Variants in GALNTL6 observed in about 807,000 individuals in gnomAD.
The protein encoded by GALNTL6 is polypeptide N-acetylgalactosaminyltransferase like 6.
Under a neutral mutation model 73.7 loss-of-function variants are expected in GALNTL6, and 46 were observed. That is an observed-to-expected ratio of 0.62 (90% CI 0.49 to 0.80). The LOEUF is 0.80. GALNTL6 is among the 30% of genes least tolerant of loss of function. GALNTL6 has a pLI of 0.00. For synonymous variants in GALNTL6, 259 were observed against 263.7 expected (o/e 0.98, Z 0.17); for missense variants, 604 against 755.0 (o/e 0.80, Z 2.34).
chr4:171,874,376 G>A (rs982537752), intron 2 of GALNTL6, among the ~76,000 whole-genome samples: 3 of 152,102 alleles, frequency 2.0e-5, no homozygotes, highest in Admixed American at 2.0e-4. Context: ...TTTTAGTCGA[G>A]ACAGGGTTTC....
intron 2 of GALNTL6, among the ~76,000 whole-genome samples, chr4:172,098,326 G>T (rs1439057436): frequency 6.6e-6 from 1 of 151,940 alleles, no homozygotes; most frequent in Admixed American, 6.6e-5. Context: ...AGGGTTCATT[G>T]GGTGGGACAG....
chr4:172,087,338 G>A (rs1184403993), intron 2 of GALNTL6, among the ~76,000 whole-genome samples: 1 of 151,592 alleles, frequency 6.6e-6, no homozygotes, highest in Non-Finnish European at 1.5e-5. Flanking sequence ...CCAGCTACTC[G>A]GGAGGCTGAG....
chr4:172,077,687 G>A (rs940377290), intron 2 of GALNTL6, among the ~76,000 whole-genome samples: 5 of 152,122 alleles, frequency 3.3e-5, no homozygotes, highest in African/African-American at 1.2e-4. Flanking sequence ...ATTGAACCTA[G>A]CCATATGGTA....
At chr4:172,735,736 G>A (rs1398634813) in intron 5 of GALNTL6, among the ~76,000 whole-genome samples, 1 of 152,106 alleles carries the variant, frequency 6.6e-6, no homozygotes, top group African/African-American at 2.4e-5. Flanking sequence ...CCAGTGGAAG[G>A]TAATTGAATC....
intron 2 of GALNTL6, among the ~76,000 whole-genome samples, chr4:171,994,449 G>A (rs1385742774): frequency 1.3e-5 from 2 of 152,026 alleles, no homozygotes; most frequent in African/African-American, 2.4e-5. Flanking sequence ...AATGAACATG[G>A]GTACTCTACA....
rs149209271 is a variant in GALNTL6, at chr4:172,088,817, G to A, written c.139-140839G>A. ...AGAGACAGGTGATTCAGAGATAACA[G>A]CAGGGTAGGGGAGAGGCCAGAGAGA... On this transcript the variant is annotated intron_variant, in intron 2 of 12. Coordinates refer to ENST00000506823, the MANE Select transcript of GALNTL6 (RefSeq NM_001034845.3). Among the ~76,000 whole-genome samples the A allele has an allele frequency of 1.2e-3, 179 of 152,268 alleles. 1 individual carries two copies. The Middle Eastern group carries it at 0.017, about 14-fold the overall frequency.
At chr4:172,190,142 C>T (rs945557850) in intron 2 of GALNTL6, among the ~76,000 whole-genome samples, 1 of 152,096 alleles carries the variant, frequency 6.6e-6, no homozygotes, top group Non-Finnish European at 1.5e-5. Flanking sequence ...AAACATTTCC[C>T]TCCCTGCTAT....
At chr4:172,067,551 A>G (rs1196538662) in intron 2 of GALNTL6, among the ~76,000 whole-genome samples, 1 of 42,444 alleles carries the variant, frequency 2.4e-5, no homozygotes, top group Non-Finnish European at 5.7e-5. Flanking sequence ...GTCAAAGCAG[A>G]TGTCTTGATG....
At chr4:172,728,844 G>A (rs577103263) in intron 5 of GALNTL6, among the ~76,000 whole-genome samples, 71 of 152,260 alleles carry the variant, frequency 4.7e-4, no homozygotes, top group African/African-American at 1.6e-3. Context: ...CCCACTTAGC[G>A]TATGAAGGTT....
chr4:172,166,315 G>A (rs1306828233), intron 2 of GALNTL6, among the ~76,000 whole-genome samples: 3 of 151,918 alleles, frequency 2.0e-5, no homozygotes, highest in African/African-American at 4.8e-5. Flanking sequence ...GCGTGGTGGC[G>A]CATGCCTGTA....
In GALNTL6 at chr4:171,827,450, G is replaced by C. The variant is rs781157231; in HGVS notation, c.138+12732G>C. On this transcript the variant is annotated intron_variant, in intron 2 of 12. Transcript: ENST00000506823. Reference sequence around the variant, plus strand: ...AAGTTTGAATTATGTAATTTCACAGGTGTTTGTACAATTACTTCTTGTTCT... The same window carrying C: ...AAGTTTGAATTATGTAATTTCACAGCTGTTTGTACAATTACTTCTTGTTCT... Among the ~76,000 whole-genome samples, 83 of 152,182 alleles carry C rather than the reference G, an allele frequency of 5.5e-4. 1 individual carries two copies. The highest frequency in any genetic ancestry group is 1.1e-3 in the Non-Finnish European group (73 of 68,004).
chr4:172,763,845 A>T (rs1236531491), intron 5 of GALNTL6, among the ~76,000 whole-genome samples: 2 of 152,252 alleles, frequency 1.3e-5, no homozygotes, highest in Non-Finnish European at 2.9e-5. Context: ...TCAGCATTTT[A>T]AAAATATAAG....
At chr4:172,819,048 G>T (rs1579522908) in intron 7 of GALNTL6, among the ~76,000 whole-genome samples, 1 of 152,342 alleles carries the variant, frequency 6.6e-6, no homozygotes. Flanking sequence ...AGGACCTCAA[G>T]TTAGGCACTT....
chr4:171,844,592 A>T (rs1042036320), intron 2 of GALNTL6, among the ~76,000 whole-genome samples: 1 of 152,152 alleles, frequency 6.6e-6, no homozygotes, highest in Non-Finnish European at 1.5e-5. Context: ...CAGTTCGTTG[A>T]TGTGACAGAT....
chr4:171,927,543 C>A (rs930000833), intron 2 of GALNTL6, among the ~76,000 whole-genome samples: 1 of 152,090 alleles, frequency 6.6e-6, no homozygotes, highest in African/African-American at 2.4e-5. Flanking sequence ...ACCCTATACA[C>A]ATGCCAACCA....
intron 5 of GALNTL6, among the ~76,000 whole-genome samples, chr4:172,372,309 G>C (rs992195978): frequency 6.6e-6 from 1 of 152,122 alleles, no homozygotes; most frequent in African/African-American, 2.4e-5. Flanking sequence ...TGAGGGCCAC[G>C]CATATACATA....
intron 5 of GALNTL6, among the ~76,000 whole-genome samples, chr4:172,799,817 C>T (rs997792872): frequency 6.6e-6 from 1 of 152,092 alleles, no homozygotes; most frequent in African/African-American, 2.4e-5. Context: ...ATTTGTACAC[C>T]CGTGTTTGTA....
intron 10 of GALNTL6, among the ~76,000 whole-genome samples, chr4:172,973,875 C>T (rs1345277159): frequency 6.6e-5 from 10 of 152,058 alleles, no homozygotes; most frequent in Non-Finnish European, 1.5e-4. Flanking sequence ...GTATTGACTT[C>T]GAAACGCTCC....
chr4:173,018,468 T>C (rs1404174442), intron 11 of GALNTL6, among the ~76,000 whole-genome samples: 1 of 152,216 alleles, frequency 6.6e-6, no homozygotes, highest in Non-Finnish European at 1.5e-5. Flanking sequence ...TTCTGGGTGC[T>C]GGAAACACAA....
Sources: gnomAD v4.1 joint callset for allele counts (sites outside exome capture counted in the v4.1 genomes callset) on GRCh38, gnomAD v4.1.1 for gene constraint, MANE v1.5 for transcripts, NCBI Gene and HGNC (gene_info 2026-07-23, HGNC 2026-07-21) for gene names.